The following HDAC4 variants were observed in gnomAD, a reference collection of about 807,000 sequenced individuals.
HDAC4 encodes histone deacetylase 4.
Under a neutral mutation model 135.1 loss-of-function variants are expected in HDAC4, and 16 were observed. That is an observed-to-expected ratio of 0.12 (90% CI 0.08 to 0.18). The LOEUF is 0.18. Among genes scored for constraint, HDAC4 ranks in the 10% least tolerant of loss-of-function variants. HDAC4 has a pLI of 1.00. For missense variants in HDAC4, 1,143 were observed against 1,511.8 expected (o/e 0.76, Z 4.05); for synonymous variants, 685 against 653.4 (o/e 1.05, Z -0.74).
At position 239,050,841 on chromosome 2, in the gene HDAC4, T is replaced by TAA. The variant is rs997469143; in HGVS notation, c.*2254_*2255dup. 6.6e-6 allele frequency: 1 copy of TAA among 152,326 alleles called. No homozygotes were observed. Among genetic ancestry groups the TAA allele is most frequent in the Non-Finnish European group, 1.5e-5 (1 of 67,996 alleles). 9.4% of individuals were successfully genotyped at this position (152,326 alleles called of 1,614,324 possible). On this transcript the variant is annotated 3_prime_UTR_variant, in exon 27 of 27. Coordinates refer to ENST00000543185, the MANE Select transcript of HDAC4 (RefSeq NM_001378414.1). Reference sequence around the variant, plus strand: ...CAGTTACTGTTGAAGAGAAAAAGAGTAAAGACTGGCTGTCCTGGTCAGGCA... The same window carrying TAA: ...CAGTTACTGTTGAAGAGAAAAAGAGTAAAAAGACTGGCTGTCCTGGTCAGGCA...
At chr2:239,318,563 G>C (rs1042467905) in intron 2 of HDAC4, among the ~76,000 whole-genome samples, 1 of 151,924 alleles carries the variant, frequency 6.6e-6, no homozygotes, top group African/African-American at 2.4e-5. Context: ...CCTGCTCGCT[G>C]TTATTTTCCA....
rs2033744588 is a variant in HDAC4 at position 239,068,009 on chromosome 2, T to A, written c.2869+480A>T. ...AGGAGCACTGCTGGGCAGTCCCTCC[T>A]CCCATCCTGACAGCATGGCCCCTAA... On this transcript the variant is annotated intron_variant, in intron 23 of 26. Coordinates refer to ENST00000543185, the MANE Select transcript of HDAC4 (RefSeq NM_001378414.1). The surrounding 1 kb of genome is among the most constrained non-coding windows in gnomAD (Gnocchi z 4.4). 6.6e-6 allele frequency among the ~76,000 whole-genome samples: 1 copy of A among 152,154 alleles called. No individual in the cohort carries two copies. The highest frequency in any genetic ancestry group is 2.4e-5 in the African/African-American group (1 of 41,446).
chr2:239,318,293 C>T (rs569415201), intron 2 of HDAC4, among the ~76,000 whole-genome samples: 1 of 152,194 alleles, frequency 6.6e-6, no homozygotes, highest in Non-Finnish European at 1.5e-5. Context: ...CCAAGCCCAG[C>T]GGCATCACTG....
chr2:239,335,537 TAAGA>T (rs991544747), intron 2 of HDAC4, among the ~76,000 whole-genome samples: 3 of 133,748 alleles, frequency 2.2e-5, no homozygotes, highest in African/African-American at 5.7e-5. Flanking sequence ...AAAACACCAT[TAAGA>T]AAGGGAAAAC....
At chr2:239,102,479 C>A (rs1282135230) in intron 16 of HDAC4, 1 of 411,844 alleles carries the variant, frequency 2.4e-6, no homozygotes, top group Non-Finnish European at 4.6e-6. Context: ...CAGGGCAGGG[C>A]GGGCAGCATG....
In HDAC4 at chr2:239,309,631, G is replaced by A. The variant is rs577421288; in HGVS notation, c.22+43047C>T. Among the ~76,000 whole-genome samples, 74 of 152,374 alleles carry A rather than the reference G, an allele frequency of 4.9e-4. No individual in the cohort carries two copies. Among genetic ancestry groups the A allele is most frequent in the African/African-American group, 1.5e-3 (64 of 41,592 alleles). On this transcript the variant is annotated intron_variant, in intron 2 of 26. Transcript: ENST00000543185. This position sits in a 1 kb window ranked among gnomAD's most constrained non-coding sequence, Gnocchi z 4.2. ...GGAGCCCCTGCCAGTGAGGGCCAGC[G>A]AGGGGCCCAGGGAGAAGATGGAGGT...
chr2:239,350,270 G>A (rs1175667811), intron 2 of HDAC4, among the ~76,000 whole-genome samples: 1 of 151,490 alleles, frequency 6.6e-6, no homozygotes, highest in African/African-American at 2.4e-5. Flanking sequence ...TAATTTTTAA[G>A]CTTTAAAAAA....
At chr2:239,171,897 C>CA (rs1338805183) in intron 5 of HDAC4, among the ~76,000 whole-genome samples, 1 of 152,068 alleles carries the variant, frequency 6.6e-6, no homozygotes, top group Non-Finnish European at 1.5e-5. Flanking sequence ...CTATACTCAG[C>CA]AAAAATAACC....
chr2:239,380,436 A>G (rs887349809), intron 1 of HDAC4, among the ~76,000 whole-genome samples: 19 of 152,168 alleles, frequency 1.2e-4, no homozygotes, highest in African/African-American at 4.3e-4. Flanking sequence ...ATGTATAAAC[A>G]TTTGTTTTTT....
At chr2:239,381,321 CTT>C (rs1431523453) in intron 1 of HDAC4, among the ~76,000 whole-genome samples, 2 of 152,300 alleles carry the variant, frequency 1.3e-5, no homozygotes, top group Non-Finnish European at 1.5e-5. Flanking sequence ...AAACATGCCT[CTT>C]TGTTATCTCG....
At chr2:239,278,412 AC>A (rs748623797) in intron 2 of HDAC4, among the ~76,000 whole-genome samples, 25 of 152,256 alleles carry the variant, frequency 1.6e-4, no homozygotes, top group Non-Finnish European at 3.1e-4. Context: ...ACAAGGGCTC[AC>A]GCCTATAATC....
chr2:239,352,814 G>T lies in HDAC4; in HGVS notation c.-115C>A. The stretch of plus-strand genomic sequence containing the variant: ...ACACATACAAGTACCGGGACGGTGA[G>T]GGCTGGGTCACAGACGTTCAAGCGC... On this transcript the variant is annotated 5_prime_UTR_variant, in exon 2 of 27. Transcript: ENST00000543185. This position sits in a 1 kb window ranked among gnomAD's most constrained non-coding sequence, Gnocchi z 4.4. 1 of 1,079,564 alleles carries T rather than the reference G, an allele frequency of 9.3e-7. No homozygotes were observed. Among genetic ancestry groups the T allele is most frequent in the Non-Finnish European group, 1.4e-6 (1 of 719,048 alleles). 66.9% of individuals were successfully genotyped at this position (1,079,564 alleles called of 1,614,324 possible).
intron 1 of HDAC4, among the ~76,000 whole-genome samples, chr2:239,379,910 A>G (rs1443858461): frequency 2.6e-5 from 4 of 152,216 alleles, no homozygotes; most frequent in African/African-American, 4.8e-5. Flanking sequence ...ATAGGGAGAC[A>G]GTGGAATGCT....
At chr2:239,293,401 C>T (rs1453292124) in intron 2 of HDAC4, among the ~76,000 whole-genome samples, 1 of 152,138 alleles carries the variant, frequency 6.6e-6, no homozygotes, top group African/African-American at 2.4e-5. Context: ...ACCGCAGGGT[C>T]CCAGAAAACC....
At chr2:239,123,452 C>T (rs950829251) in intron 12 of HDAC4, among the ~76,000 whole-genome samples, 4 of 152,182 alleles carry the variant, frequency 2.6e-5, no homozygotes, top group Non-Finnish European at 4.4e-5. Flanking sequence ...AGGGGCCAGG[C>T]TGTGGCCTGT....
At chr2:239,150,431 CACACAGAA>C (rs1260633164) in intron 7 of HDAC4, among the ~76,000 whole-genome samples, 2 of 151,962 alleles carry the variant, frequency 1.3e-5, no homozygotes, top group Non-Finnish European at 2.9e-5. Context: ...ACACACCCCA[CACACAGAA>C]ACACAGACAC....
intron 2 of HDAC4, among the ~76,000 whole-genome samples, chr2:239,317,209 C>T (rs1034807368): frequency 1.1e-4 from 17 of 152,112 alleles, no homozygotes; most frequent in African/African-American, 2.7e-4. Flanking sequence ...GAGAGCTCCA[C>T]GTCTCCTTGT....
At chr2:239,185,108 G>A (rs1238860465) in intron 4 of HDAC4, among the ~76,000 whole-genome samples, 2 of 151,554 alleles carry the variant, frequency 1.3e-5, no homozygotes, top group African/African-American at 4.8e-5. Context: ...CCTGGAGGCT[G>A]TGCCCTATGG....
chr2:239,253,039 A>T (rs2048868655), intron 2 of HDAC4, among the ~76,000 whole-genome samples: 2 of 152,222 alleles, frequency 1.3e-5, no homozygotes, highest in Non-Finnish European at 2.9e-5. Flanking sequence ...GGCAGAGCAG[A>T]GGCACAACAC....
Sources: gnomAD v4.1 joint callset for allele counts (sites outside exome capture counted in the v4.1 genomes callset) on GRCh38, gnomAD v4.1.1 for gene constraint, Gnocchi (gnomAD v3.1) non-coding constraint, MANE v1.5 for transcripts, NCBI Gene and HGNC (gene_info 2026-07-23, HGNC 2026-07-21) for gene names.